Variants in STX8 observed in about 807,000 individuals in gnomAD.
STX8 encodes syntaxin 8.
In STX8, 23 loss-of-function variants were observed where a neutral mutation model predicts 37.5. The ratio of observed to expected loss-of-function variants is 0.61; its 90% CI spans 0.44 to 0.87. STX8 has a LOEUF of 0.87. Ranked by LOEUF, STX8 falls within the 40% of genes least tolerant of loss-of-function variation. The pLI is 0.00. For synonymous variants in STX8, 115 were observed against 99.1 expected, an observed-to-expected ratio of 1.16 and a Z score of -0.95; for missense variants, 313 against 284.7, an observed-to-expected ratio of 1.10 and a Z score of -0.71.
intron 6 of STX8, among the ~76,000 whole-genome samples, chr17:9,391,527 T>C (rs953265127): frequency 6.6e-6 from 1 of 151,738 alleles, no homozygotes; most frequent in African/African-American, 2.4e-5. Context: ...CACACACTCA[T>C]GCAGCAACAA....
intron 6 of STX8, among the ~76,000 whole-genome samples, chr17:9,415,519 C>A (rs1042788590): frequency 6.6e-6 from 1 of 151,980 alleles, no homozygotes; most frequent in Non-Finnish European, 1.5e-5. Flanking sequence ...CTCCTGTAAT[C>A]CCAGCACTTT....
intron 6 of STX8, among the ~76,000 whole-genome samples, chr17:9,423,735 G>C (rs1316184320): frequency 6.6e-6 from 1 of 152,144 alleles, no homozygotes; most frequent in Non-Finnish European, 1.5e-5. Context: ...ACCCTTGCAG[G>C]TCAGTGATCC....
chr17:9,559,463 T>A (rs958643838), intron 2 of STX8, among the ~76,000 whole-genome samples: 2 of 151,724 alleles, frequency 1.3e-5, no homozygotes, highest in Non-Finnish European at 2.9e-5. Context: ...ATGGTGTTAA[T>A]AATTAAAAAC....
chr17:9,253,194 A>AGGCAGG (rs1906651816), intron 7 of STX8, among the ~76,000 whole-genome samples: 1 of 116,078 alleles, frequency 8.6e-6, no homozygotes, highest in Non-Finnish European at 1.9e-5. Context: ...TGCAGCAAGA[A>AGGCAGG]GGCAGGGGTA....
At chr17:9,339,773 T>C (rs1232527159) in intron 7 of STX8, among the ~76,000 whole-genome samples, 1 of 152,148 alleles carries the variant, frequency 6.6e-6, no homozygotes, top group Non-Finnish European at 1.5e-5. Flanking sequence ...ATCACATATA[T>C]AAGACAGACA....
chr17:9,350,738 G>A (rs992365590), intron 7 of STX8, among the ~76,000 whole-genome samples: 1 of 152,106 alleles, frequency 6.6e-6, no homozygotes, highest in African/African-American at 2.4e-5. Flanking sequence ...TCACCATGTT[G>A]GCCAGGCTGG....
At chr17:9,286,620 A>G (rs1266814096) in intron 7 of STX8, among the ~76,000 whole-genome samples, 2 of 151,810 alleles carry the variant, frequency 1.3e-5, no homozygotes, top group Non-Finnish European at 2.9e-5. Flanking sequence ...AGCTGGCTAC[A>G]GCAGCTGCAG....
rs1030580851 is a variant in STX8, at chr17:9,529,294, T to C, written c.323+15878A>G. Among the ~76,000 whole-genome samples, 6 of 152,146 alleles carry C rather than the reference T, an allele frequency of 3.9e-5. No individual in the cohort carries two copies. The East Asian group carries it at 7.7e-4, about 20-fold the overall frequency. On this transcript the variant is annotated intron_variant, in intron 4 of 7. Coordinates refer to ENST00000306357, the MANE Select transcript of STX8 (RefSeq NM_004853.3). ...GAGAGTGTGTGGGTGCGCACACGCA[T>C]GTGTGTGTATCTGTATGCATATGCA...
At chr17:9,349,739 CT>C (rs1910647085) in intron 7 of STX8, among the ~76,000 whole-genome samples, 1 of 152,070 alleles carries the variant, frequency 6.6e-6, no homozygotes, top group Non-Finnish European at 1.5e-5. Flanking sequence ...GTCTCTCTCT[CT>C]CTCTCTCTCT....
intron 5 of STX8, among the ~76,000 whole-genome samples, chr17:9,496,296 G>A (rs185283458): frequency 5.1e-4 from 77 of 152,112 alleles, no homozygotes; most frequent in Admixed American, 4.0e-3. Flanking sequence ...GGCTGGTCTC[G>A]AACTCCTGAC....
chr17:9,500,909 G>A (rs1904586143), intron 5 of STX8, among the ~76,000 whole-genome samples: 1 of 152,120 alleles, frequency 6.6e-6, no homozygotes, highest in Non-Finnish European at 1.5e-5. Flanking sequence ...GGAGGCTGAG[G>A]CAGAAGAATG....
intron 3 of STX8, chr17:9,556,794 TACAC>T (rs1263739674): frequency 0.069 from 1,786 of 25,866 alleles, 17 homozygotes; most frequent in Non-Finnish European, 0.11. Context: ...TATATATATA[TACAC>T]ATACATATAT....
At chr17:9,404,815 T>C (rs1182615664) in intron 6 of STX8, among the ~76,000 whole-genome samples, 1 of 152,216 alleles carries the variant, frequency 6.6e-6, no homozygotes, top group Non-Finnish European at 1.5e-5. Context: ...GTTTGTTTTC[T>C]GGCACTGCTG....
intron 7 of STX8, among the ~76,000 whole-genome samples, chr17:9,321,255 C>A (rs940699291): frequency 1.3e-5 from 2 of 152,044 alleles, no homozygotes; most frequent in African/African-American, 4.8e-5. Context: ...ATAGGCCAGG[C>A]GCAGTGGCTG....
At chr17:9,475,393 G>A (rs1906056960) in intron 6 of STX8, among the ~76,000 whole-genome samples, 1 of 152,202 alleles carries the variant, frequency 6.6e-6, no homozygotes, top group African/African-American at 2.4e-5. Flanking sequence ...CAAGCTTAGA[G>A]TCAATGGCTA....
intron 6 of STX8, among the ~76,000 whole-genome samples, chr17:9,460,687 AACAAAAC>A (rs1183712612): frequency 7.1e-6 from 1 of 140,766 alleles, no homozygotes. Context: ...AAAAAAAAAA[AACAAAAC>A]AAAACTACTA....
chr17:9,352,207 T>C (rs1054267959), intron 7 of STX8, among the ~76,000 whole-genome samples: 2 of 151,506 alleles, frequency 1.3e-5, no homozygotes, highest in Non-Finnish European at 2.9e-5. Flanking sequence ...TAATCCAGGT[T>C]GTCATACTCC....
At chr17:9,351,489 C>T (rs7216276) in intron 7 of STX8, among the ~76,000 whole-genome samples, 23,831 of 151,958 alleles carry the variant, frequency 0.16, 2,162 homozygotes, top group African/African-American at 0.25. Context: ...CATGCATCTC[C>T]TAAGAACAAG....
chr17:9,374,973 G>A (rs1261391825), intron 7 of STX8, among the ~76,000 whole-genome samples: 3 of 142,470 alleles, frequency 2.1e-5, no homozygotes, highest in South Asian at 2.2e-4. Flanking sequence ...TGAGGCAGGA[G>A]AAATCACTTG....
Sources: gnomAD v4.1 joint callset for allele counts (sites outside exome capture counted in the v4.1 genomes callset) on GRCh38, gnomAD v4.1.1 for gene constraint, MANE v1.5 for transcripts, NCBI Gene and HGNC (gene_info 2026-07-23, HGNC 2026-07-21) for gene names.